Variants in RBFOX1 observed in about 807,000 individuals in gnomAD.
The protein encoded by RBFOX1 is RNA binding protein fox-1 homolog 1.
A neutral mutation model predicts 57.7 loss-of-function variants in RBFOX1; 8 were observed. The ratio of observed to expected loss-of-function variants is 0.14; its 90% CI spans 0.08 to 0.25. The LOEUF is 0.25. RBFOX1 is among the 10% of genes least tolerant of loss of function. The pLI is 1.00. For synonymous variants in RBFOX1, 326 were observed against 222.4 expected, an observed-to-expected ratio of 1.47 and a Z score of -4.15; for missense variants, 611 against 548.5, an observed-to-expected ratio of 1.11 and a Z score of -1.14.
At chr16:7,453,020 TA>T (rs2057693888) in intron 4 of RBFOX1, among the ~76,000 whole-genome samples, 2 of 150,106 alleles carry the variant, frequency 1.3e-5, no homozygotes, top group African/African-American at 4.9e-5. Flanking sequence ...TTGCAGCTAC[TA>T]GGGGGGCTGA....
At chr16:5,566,632 GTGTATATGTGTGTATATATGTGTATATA>G (rs1341337667) in intron 2 of RBFOX1, among the ~76,000 whole-genome samples, 2 of 147,016 alleles carry the variant, frequency 1.4e-5, no homozygotes, top group Non-Finnish European at 3.0e-5. Context: ...ATGTATATAT[GTGTATATGTGTGTATATATGTGTATATA>G]TGTATATGTG....
chr16:7,450,180 G>T (rs770093025), intron 4 of RBFOX1, among the ~76,000 whole-genome samples: 1 of 152,072 alleles, frequency 6.6e-6, no homozygotes, highest in African/African-American at 2.4e-5. Flanking sequence ...TGGATCACAA[G>T]GTCAGGGGAT....
At chr16:7,124,159 C>T (rs1397941881) in intron 4 of RBFOX1, among the ~76,000 whole-genome samples, 2 of 152,162 alleles carry the variant, frequency 1.3e-5, no homozygotes, top group African/African-American at 4.8e-5. Context: ...AAGCTGGTGG[C>T]ATGGTGGCTC....
chr16:6,539,293 C>A (rs1000454103), intron 2 of RBFOX1, among the ~76,000 whole-genome samples: 7 of 152,224 alleles, frequency 4.6e-5, no homozygotes, highest in African/African-American at 1.7e-4. Flanking sequence ...CCTTGTGCCT[C>A]TGTTTTCCCA....
intron 3 of RBFOX1, among the ~76,000 whole-genome samples, chr16:5,823,502 C>T (rs980996292): frequency 2.6e-5 from 4 of 152,088 alleles, no homozygotes; most frequent in African/African-American, 9.7e-5. Context: ...TCCCCAAACC[C>T]CAGGCCACGG....
intron 3 of RBFOX1, among the ~76,000 whole-genome samples, chr16:6,710,555 G>T (rs1378476856): frequency 6.6e-6 from 1 of 152,208 alleles, no homozygotes; most frequent in Non-Finnish European, 1.5e-5. Flanking sequence ...ATCTAAAGGT[G>T]CAGGTCTGGC....
intron 2 of RBFOX1, among the ~76,000 whole-genome samples, chr16:6,545,066 T>A (rs2096876434): frequency 6.6e-6 from 1 of 152,196 alleles, no homozygotes; most frequent in Non-Finnish European, 1.5e-5. Context: ...CTGAGTTGAA[T>A]TAAATTGGGA....
chr16:6,665,450 C>T (rs1056149177), intron 3 of RBFOX1, among the ~76,000 whole-genome samples: 1 of 151,868 alleles, frequency 6.6e-6, no homozygotes, highest in African/African-American at 2.4e-5. Context: ...CCCATCGCTG[C>T]TAAAAATAAA....
chr16:6,167,967 A>C (rs74608037), intron 1 of RBFOX1, among the ~76,000 whole-genome samples: 2,044 of 152,330 alleles, frequency 0.013, 47 homozygotes, highest in African/African-American at 0.046. Context: ...ACCCATGGCA[A>C]AATCCAATTA....
chr16:6,522,957 G>C (rs535747786), intron 2 of RBFOX1, among the ~76,000 whole-genome samples: 28 of 152,194 alleles, frequency 1.8e-4, no homozygotes, highest in African/African-American at 5.8e-4. Context: ...ATGTTGTCCA[G>C]GTTCTTTAAA....
intron 1 of RBFOX1, among the ~76,000 whole-genome samples, chr16:5,318,414 C>T (rs947081404): frequency 6.6e-6 from 1 of 152,160 alleles, no homozygotes; most frequent in Non-Finnish European, 1.5e-5. Context: ...CAGGCATAAG[C>T]CACCATGCCC....
intron 3 of RBFOX1, among the ~76,000 whole-genome samples, chr16:6,991,245 A>T (rs893083933): frequency 6.6e-6 from 1 of 150,840 alleles, no homozygotes; most frequent in African/African-American, 2.4e-5. Flanking sequence ...GGTTGCAGTG[A>T]GTTGAGACCA....
chr16:7,314,039 TTTG>T, intron 4 of RBFOX1, among the ~76,000 whole-genome samples: 1 of 63,276 alleles, frequency 1.6e-5, no homozygotes, highest in Non-Finnish European at 3.2e-5. Context: ...TCTTCCCGAT[TTTG>T]TTTTTTTTAA....
At chr16:6,343,851 C>A (rs192965369) in intron 2 of RBFOX1, among the ~76,000 whole-genome samples, 81 of 152,202 alleles carry the variant, frequency 5.3e-4, no homozygotes, top group African/African-American at 1.8e-3. Context: ...TGAACCTGGG[C>A]TTTGTCTTCA....
At chr16:6,568,681 C>G (rs563001000) in intron 2 of RBFOX1, among the ~76,000 whole-genome samples, 47 of 152,266 alleles carry the variant, frequency 3.1e-4, no homozygotes, top group African/African-American at 9.6e-4. Context: ...ACATGTAACT[C>G]TGTATAACAG....
intron 4 of RBFOX1, among the ~76,000 whole-genome samples, chr16:6,008,858 G>T (rs77166887): frequency 0.072 from 10,947 of 152,264 alleles, 523 homozygotes; most frequent in East Asian, 0.14. Flanking sequence ...TTGCCTTACG[G>T]AATAATGGCA....
Position 6,942,299 on chromosome 16 carries a change from C to G in RBFOX1, c.-15-109758C>G, listed in dbSNP as rs866746912. On this transcript the variant is annotated intron_variant, in intron 3 of 15. Coordinates refer to ENST00000550418, the MANE Select transcript of RBFOX1 (RefSeq NM_018723.4). ...CATCTCACAAACAAAAAACAAGTTG[C>G]TGAGACCACTGGCACACACCACCAC... Among the ~76,000 whole-genome samples the G allele has an allele frequency of 2.0e-5, 3 of 152,070 alleles. 1 individual carries two copies. The highest frequency in any genetic ancestry group is 7.2e-5 in the African/African-American group (3 of 41,424).
intron 4 of RBFOX1, among the ~76,000 whole-genome samples, chr16:7,358,349 A>G (rs565036176): frequency 2.0e-5 from 3 of 152,352 alleles, no homozygotes; most frequent in South Asian, 4.1e-4. Context: ...AAATAATGAT[A>G]AATCTCTAAG....
chr16:5,581,912 G>A (rs545493305), intron 2 of RBFOX1, among the ~76,000 whole-genome samples: 78 of 152,334 alleles, frequency 5.1e-4, no homozygotes, highest in African/African-American at 1.9e-3. Context: ...AAGCAAGGAC[G>A]CTGTAATGTA....
Sources: gnomAD v4.1 joint callset for allele counts (sites outside exome capture counted in the v4.1 genomes callset) on GRCh38, gnomAD v4.1.1 for gene constraint, MANE v1.5 for transcripts, NCBI Gene and HGNC (gene_info 2026-07-23, HGNC 2026-07-21) for gene names.